Variants in PRKDC observed in about 807,000 individuals in gnomAD.
The protein encoded by PRKDC is DNA-dependent protein kinase catalytic subunit.
A neutral mutation model predicts 486.9 loss-of-function variants in PRKDC; 82 were observed. The observed-to-expected ratio is 0.17, with a 90% CI of 0.14 to 0.20. PRKDC has a LOEUF of 0.20. Ranked by LOEUF, PRKDC falls within the 10% of genes least tolerant of loss-of-function variation. PRKDC has a pLI of 1.00. For missense variants in PRKDC, 4,504 were observed against 5,038.2 expected (o/e 0.89, Z 3.21); for synonymous variants, 1,895 against 1,837.0 (o/e 1.03, Z -0.81).
intron 7 of PRKDC, among the ~76,000 whole-genome samples, chr8:47,946,018 G>A (rs191850476): frequency 3.8e-4 from 57 of 149,784 alleles, no homozygotes; most frequent in Non-Finnish European, 8.1e-4. Context: ...CACCACGCCC[G>A]GCCTACTTCT....
chr8:47,928,559 ATTTT>A (rs1014437037), intron 19 of PRKDC, among the ~76,000 whole-genome samples: 1 of 142,958 alleles, frequency 7.0e-6, no homozygotes, highest in African/African-American at 2.5e-5. Flanking sequence ...TTATTTATTT[ATTTT>A]TTTTTTTGAG....
At chr8:47,793,136 G>T (rs1194911696) in intron 74 of PRKDC, among the ~76,000 whole-genome samples, 1 of 152,060 alleles carries the variant, frequency 6.6e-6, no homozygotes, top group African/African-American at 2.4e-5. Context: ...CTTCCACCTC[G>T]GCCTCCCAAG....
At chr8:47,938,566 T>G (rs546203965) in intron 11 of PRKDC, among the ~76,000 whole-genome samples, 27 of 152,196 alleles carry the variant, frequency 1.8e-4, no homozygotes, top group African/African-American at 5.3e-4. Context: ...TATTTTTTCT[T>G]TAAAAAAAAA....
chr8:47,837,879 T>C (rs542211599), intron 56 of PRKDC, among the ~76,000 whole-genome samples: 2 of 152,152 alleles, frequency 1.3e-5, no homozygotes, highest in Non-Finnish European at 2.9e-5. Context: ...CTCAGGCGTG[T>C]AATCCCAGCA....
rs755503781 is a variant in PRKDC at position 47,912,582 on chromosome 8, C to A, written c.2782-20G>T. ...TGCAACCTAAAACAGACCAGGAGGT[C>A]AGCAATGTTTAAGTTATCACGTTGA... On this transcript the variant is annotated intron_variant, in intron 24 of 85. Transcript: ENST00000314191. The A allele has an allele frequency of 1.3e-6, 2 of 1,561,866 alleles. No individual in the cohort carries two copies. Among genetic ancestry groups the A allele is most frequent in the Non-Finnish European group, 1.7e-6 (2 of 1,150,744 alleles).
At chr8:47,785,620 T>A (rs764286143) in intron 76 of PRKDC, among the ~76,000 whole-genome samples, 8 of 152,008 alleles carry the variant, frequency 5.3e-5, no homozygotes. Context: ...TGTAGTTCCA[T>A]CTACTCAGGA....
chr8:47,797,751 C>T (rs1262860107), intron 73 of PRKDC, among the ~76,000 whole-genome samples: 2 of 152,202 alleles, frequency 1.3e-5, no homozygotes, highest in Admixed American at 6.5e-5. Flanking sequence ...TGGAAGGGTG[C>T]GGGTTCCTCC....
At chr8:47,839,890 A>G (rs1206207788) in intron 55 of PRKDC, 126 bp downstream of exon 55, 5 of 669,184 alleles carry the variant, frequency 7.5e-6, no homozygotes, top group Non-Finnish European at 1.2e-5. Flanking sequence ...GGAAGGATCA[A>G]CTGAGCCCAG....
intron 66 of PRKDC, among the ~76,000 whole-genome samples, chr8:47,819,866 A>T (rs1407022653): frequency 6.6e-6 from 1 of 152,208 alleles, no homozygotes; most frequent in Non-Finnish European, 1.5e-5. Context: ...CAAGAGTGCT[A>T]ATCAACTTCA....
At chr8:47,839,916 G>T in intron 55 of PRKDC, 100 bp downstream of exon 55, 1 of 914,266 alleles carries the variant, frequency 1.1e-6, no homozygotes, top group Non-Finnish European at 1.6e-6. Flanking sequence ...GGTTGAGACT[G>T]CAGTGACCTG....
chr8:47,776,847 G>C lies in PRKDC; in HGVS notation c.12179C>G (p.Thr4060Ser). 6.2e-7 allele frequency: 1 copy of C among 1,613,700 alleles called. No individual in the cohort carries two copies. The highest frequency in any genetic ancestry group is 8.5e-7 in the Non-Finnish European group (1 of 1,179,828). ...KLAGANPAVI[T>S]CDELLLGHEK... The stretch of plus-strand genomic sequence containing the variant: ...TTTCCACATATAAAAATCTTACCAA[G>C]TAATGACTGCTGGATTGGCACCTGC... Residue 4060 changes from threonine (T) to serine (S), a missense_variant, in exon 85 of 86, where the codon ACT becomes AGT. By Grantham distance (58) the Thr-to-Ser change is moderately conservative. This residue lies in a region of PRKDC where 706 missense variants were observed against 945.0 expected (regional missense o/e 0.75). Coordinates refer to ENST00000314191, the MANE Select transcript of PRKDC (RefSeq NM_006904.7).
At position 47,905,235 on chromosome 8, in the gene PRKDC, C is replaced by T. The variant is rs559909654; in HGVS notation, c.2935-259G>A. Among the ~76,000 whole-genome samples the T allele has an allele frequency of 1.3e-4, 20 of 152,116 alleles. No individual in the cohort carries two copies. In the South Asian group the frequency reaches 4.2e-3, roughly 32 times the overall value. Reference sequence around the variant, plus strand: ...GTAGAGACAGGGTTCCACTATGTTGCCTAGGTTGGCCTTGAACTCCTGGCC... The same window carrying T: ...GTAGAGACAGGGTTCCACTATGTTGTCTAGGTTGGCCTTGAACTCCTGGCC... On this transcript the variant is annotated intron_variant, in intron 25 of 85. Coordinates refer to ENST00000314191, the MANE Select transcript of PRKDC (RefSeq NM_006904.7).
intron 52 of PRKDC, among the ~76,000 whole-genome samples, chr8:47,851,292 A>G (rs2088396996): frequency 1.3e-5 from 2 of 152,230 alleles, no homozygotes; most frequent in African/African-American, 2.4e-5. Context: ...TGGAAATGAA[A>G]CATATTATGT....
rs887666940 is a variant in PRKDC at position 47,859,059 on chromosome 8, G to T, written c.6208-73C>A. ...GTGGACAAGGCAGTGGATGTGGGAG[G>T]CTCTTTCTGGGGCAACAGCATATAA... On this transcript the variant is annotated intron_variant, in intron 46 of 85. Coordinates refer to ENST00000314191, the MANE Select transcript of PRKDC (RefSeq NM_006904.7). 19 of 1,542,530 alleles carry T rather than the reference G, an allele frequency of 1.2e-5. No individual in the cohort carries two copies. In the South Asian group the frequency reaches 2.1e-4, roughly 17 times the overall value.
At chr8:47,881,816 C>T (rs950665220) in intron 37 of PRKDC, 96 bp downstream of exon 37, 1 of 1,100,852 alleles carries the variant, frequency 9.1e-7, no homozygotes, top group African/African-American at 1.6e-5. Context: ...TTTGTCAAAC[C>T]AATGAGCTTT....
chr8:47,819,086 G>A (rs935724703), intron 67 of PRKDC, among the ~76,000 whole-genome samples: 6 of 152,148 alleles, frequency 3.9e-5, no homozygotes, highest in Admixed American at 1.3e-4. Context: ...CAGGAGTCCT[G>A]CACCCTCTCA....
chr8:47,879,041 C>T (rs2089150472), intron 39 of PRKDC, among the ~76,000 whole-genome samples: 1 of 152,134 alleles, frequency 6.6e-6, no homozygotes, highest in Non-Finnish European at 1.5e-5. Flanking sequence ...AATCGCTACT[C>T]TATTAAATTT....
intron 30 of PRKDC, 41 bp from the exon 31 acceptor site, chr8:47,893,428 C>T (rs544674928): frequency 3.5e-6 from 5 of 1,416,154 alleles, no homozygotes; most frequent in South Asian, 1.8e-5. Context: ...CATATACCTA[C>T]ATTTCTTTAA....
At chr8:47,926,492 T>C (rs2090159760) in intron 21 of PRKDC, among the ~76,000 whole-genome samples, 1 of 152,244 alleles carries the variant, frequency 6.6e-6, no homozygotes, top group Non-Finnish European at 1.5e-5. Context: ...AAAAACCTTA[T>C]AAATTAATAC....
Sources: gnomAD v4.1 joint callset for allele counts (sites outside exome capture counted in the v4.1 genomes callset) on GRCh38, gnomAD v4.1.1 for gene constraint, gnomAD v4.1.1 regional missense constraint, MANE v1.5 for transcripts, NCBI Gene and HGNC (gene_info 2026-07-23, HGNC 2026-07-21) for gene names.